GABRG3: variants seen among roughly 807,000 people sequenced by gnomAD.
GABRG3 encodes the protein gamma-aminobutyric acid type A receptor subunit gamma3, also known as gamma-aminobutyric acid receptor subunit gamma-3.
GABRG3 carries 25 observed loss-of-function variants against 48.8 expected under a neutral mutation model. The ratio of observed to expected loss-of-function variants is 0.51; its 90% CI spans 0.37 to 0.72. The LOEUF (loss-of-function observed/expected upper bound fraction) is 0.72. Among genes scored for constraint, GABRG3 ranks in the 30% least tolerant of loss-of-function variants. The pLI is 0.00. For missense variants in GABRG3, 394 were observed against 577.9 expected (o/e 0.68, Z 3.26); for synonymous variants, 227 against 217.6 (o/e 1.04, Z -0.38).
chr15:27,437,801 C>G (rs1888664592), intron 5 of GABRG3, among the ~76,000 whole-genome samples: 1 of 152,132 alleles, frequency 6.6e-6, no homozygotes, highest in South Asian at 2.1e-4. Flanking sequence ...AAGCATGGCA[C>G]CAGCATCTGC....
intron 3 of GABRG3, among the ~76,000 whole-genome samples, chr15:27,083,747 A>G (rs1897029191): frequency 6.6e-6 from 1 of 152,200 alleles, no homozygotes; most frequent in South Asian, 2.1e-4. Context: ...CTTTCCAAAC[A>G]GTGTCACAAA....
At chr15:27,063,003 C>T (rs561043938) in intron 3 of GABRG3, among the ~76,000 whole-genome samples, 5 of 152,296 alleles carry the variant, frequency 3.3e-5, no homozygotes, top group South Asian at 2.1e-4. Flanking sequence ...GGTTCAATGT[C>T]GTGAGACGGC....
At chr15:27,141,929 C>T (rs750644510) in intron 3 of GABRG3, among the ~76,000 whole-genome samples, 1 of 152,138 alleles carries the variant, frequency 6.6e-6, no homozygotes, top group Non-Finnish European at 1.5e-5. Context: ...TTTCTGTCTT[C>T]ATGTATTTTA....
intron 3 of GABRG3, among the ~76,000 whole-genome samples, chr15:27,276,080 A>G (rs1891243954): frequency 6.6e-6 from 1 of 152,230 alleles, no homozygotes; most frequent in Admixed American, 6.5e-5. Context: ...AAGGCTGTTC[A>G]TTCAGAGTTG....
At chr15:27,256,165 G>A (rs558175553) in intron 3 of GABRG3, among the ~76,000 whole-genome samples, 1 of 152,244 alleles carries the variant, frequency 6.6e-6, no homozygotes, top group South Asian at 2.1e-4. Flanking sequence ...CAGAGGGGCC[G>A]GGTGTGGTGG....
intron 7 of GABRG3, among the ~76,000 whole-genome samples, chr15:27,525,197 A>G (rs1442049605): frequency 1.3e-5 from 2 of 151,804 alleles, no homozygotes; most frequent in African/African-American, 4.8e-5. Flanking sequence ...AACAAAGCCA[A>G]TATCAAAATG....
chr15:27,168,809 G>A (rs1595563838), intron 3 of GABRG3, among the ~76,000 whole-genome samples: 1 of 152,200 alleles, frequency 6.6e-6, no homozygotes, highest in East Asian at 1.9e-4. Context: ...TCAGAGCGAT[G>A]AGAAATAAAT....
At chr15:27,190,200 G>GT (rs1389509867) in intron 3 of GABRG3, among the ~76,000 whole-genome samples, 2 of 152,270 alleles carry the variant, frequency 1.3e-5, no homozygotes, top group African/African-American at 4.8e-5. Context: ...TTTTGGTTGT[G>GT]TCTCTGCTGG....
At chr15:27,350,440 C>T in intron 5 of GABRG3, 1 of 325,134 alleles carries the variant, frequency 3.1e-6, no homozygotes, top group East Asian at 7.7e-5. Flanking sequence ...AAATGGATAT[C>T]AGTAAATAAA....
intron 9 of GABRG3, 52 bp downstream of exon 9, chr15:27,528,044 A>C (rs2150865101): frequency 7.6e-7 from 1 of 1,319,616 alleles, no homozygotes; most frequent in East Asian, 2.4e-5. Flanking sequence ...CACTAAACTA[A>C]GATTGCATTT....
At chr15:27,335,974 G>A (rs1161796832) in intron 5 of GABRG3, among the ~76,000 whole-genome samples, 4 of 152,062 alleles carry the variant, frequency 2.6e-5, no homozygotes, top group Non-Finnish European at 5.9e-5. Context: ...GATCACCTGA[G>A]GTCAGGAGTT....
At chr15:27,468,635 T>C (rs1889690307) in intron 5 of GABRG3, among the ~76,000 whole-genome samples, 1 of 152,198 alleles carries the variant, frequency 6.6e-6, no homozygotes, top group African/African-American at 2.4e-5. Flanking sequence ...GTGACCACAC[T>C]GTATTACTCC....
intron 3 of GABRG3, among the ~76,000 whole-genome samples, chr15:27,030,795 G>A (rs950919312): frequency 2.0e-5 from 3 of 152,238 alleles, no homozygotes; most frequent in African/African-American, 7.2e-5. Context: ...GTGGAAGCTT[G>A]TGGAAGACAT....
chr15:27,192,036 G>C (rs563066059), intron 3 of GABRG3, among the ~76,000 whole-genome samples: 2 of 152,182 alleles, frequency 1.3e-5, no homozygotes, highest in Non-Finnish European at 2.9e-5. Context: ...TTTTCTTTAA[G>C]AATGTTGAAT....
chr15:27,178,056 G>GT (rs933914514), intron 3 of GABRG3, among the ~76,000 whole-genome samples: 2 of 152,052 alleles, frequency 1.3e-5, no homozygotes, highest in African/African-American at 4.8e-5. Context: ...TATTGAGGGG[G>GT]GTCAGATACC....
intron 3 of GABRG3, among the ~76,000 whole-genome samples, chr15:27,146,890 CAT>C (rs1898219378): frequency 6.6e-6 from 1 of 151,986 alleles, no homozygotes; most frequent in Non-Finnish European, 1.5e-5. Flanking sequence ...ACAAAAAAGA[CAT>C]AATATATAAT....
At chr15:27,200,053 C>T (rs903240035) in intron 3 of GABRG3, among the ~76,000 whole-genome samples, 13 of 151,616 alleles carry the variant, frequency 8.6e-5, no homozygotes, top group African/African-American at 2.9e-4. Flanking sequence ...TTCTCTCTTC[C>T]TTCTTTCCTT....
At chr15:27,501,150 A>C (rs537892463) in intron 6 of GABRG3, among the ~76,000 whole-genome samples, 27 of 152,100 alleles carry the variant, frequency 1.8e-4, no homozygotes, top group African/African-American at 4.8e-4. Context: ...ACAGGGTTTC[A>C]CCGTGTTAAC....
intron 3 of GABRG3, among the ~76,000 whole-genome samples, chr15:27,163,309 G>A (rs1312144314): frequency 6.6e-6 from 1 of 151,994 alleles, no homozygotes; most frequent in Non-Finnish European, 1.5e-5. Context: ...GTTCAGCCTG[G>A]GCAACTTAGC....
Sources: allele counts gnomAD v4.1 joint callset (sites outside exome capture counted in the v4.1 genomes callset), GRCh38; gene constraint gnomAD v4.1.1; transcripts MANE v1.5; gene names NCBI Gene and HGNC (gene_info 2026-07-23, HGNC 2026-07-21).